Variants in IMPG2 observed in about 807,000 individuals in gnomAD.
The protein encoded by IMPG2 is interphotoreceptor matrix proteoglycan 2.
Under a neutral mutation model 129.2 loss-of-function variants are expected in IMPG2, and 91 were observed. That is an observed-to-expected ratio of 0.70 (90% CI 0.59 to 0.84). The LOEUF (loss-of-function observed/expected upper bound fraction) is 0.84. IMPG2 is among the 40% of genes least tolerant of loss of function. The pLI, the probability that IMPG2 is intolerant of heterozygous loss-of-function variation, is 0.00. For missense variants in IMPG2, 1,430 were observed against 1,461.7 expected, an observed-to-expected ratio of 0.98 and a Z score of 0.35; for synonymous variants, 510 against 517.7, an observed-to-expected ratio of 0.99 and a Z score of 0.20.
At chr3:101,266,868 TC>T (rs146088182) in intron 9 of IMPG2, among the ~76,000 whole-genome samples, 1 of 152,120 alleles carries the variant, frequency 6.6e-6, no homozygotes, top group Admixed American at 6.5e-5. Context: ...GCTGGCCACT[TC>T]CCCCACTGCT....
At position 101,243,998 on chromosome 3, in the gene IMPG2, G is replaced by A. The variant is rs1323996253; in HGVS notation, c.2333C>T (p.Pro778Leu). Residue 778 changes from proline (P) to leucine (L), a missense_variant, in exon 13 of 19, where the codon CCA becomes CTA. Coordinates refer to ENST00000193391, the MANE Select transcript of IMPG2 (RefSeq NM_016247.4). The part of the protein sequence containing the change: ...PDMQTLWTIL[P>L]ESERVWTRTS... The stretch of plus-strand genomic sequence containing the variant: ...TCTTGTCCAAACTCTCTCTGATTCT[G>A]GCAATATAGTCCACAAAGTTTGCAT... 1 of 1,614,118 alleles carries A rather than the reference G, an allele frequency of 6.2e-7. No homozygotes were observed. Among genetic ancestry groups the A allele is most frequent in the South Asian group, 1.1e-5 (1 of 91,086 alleles).
chr3:101,291,026 T>G (rs1297943037), intron 4 of IMPG2, among the ~76,000 whole-genome samples: 1 of 152,196 alleles, frequency 6.6e-6, no homozygotes, highest in Non-Finnish European at 1.5e-5. Context: ...AAGCCCACAG[T>G]GAACAGAGTC....
At chr3:101,302,441 C>T (rs1362948448) in intron 3 of IMPG2, among the ~76,000 whole-genome samples, 2 of 152,078 alleles carry the variant, frequency 1.3e-5, no homozygotes, top group African/African-American at 2.4e-5. Flanking sequence ...CCCATGTTAG[C>T]CACTGCAATT....
intron 2 of IMPG2, among the ~76,000 whole-genome samples, chr3:101,315,250 T>C (rs62282887): frequency 0.17 from 25,201 of 152,236 alleles, 2,287 homozygotes; most frequent in African/African-American, 0.24. Flanking sequence ...ATTCTGGTGA[T>C]GCCACTGTTC....
intron 14 of IMPG2, among the ~76,000 whole-genome samples, chr3:101,238,527 G>A (rs1174399296): frequency 6.6e-6 from 1 of 152,218 alleles, no homozygotes; most frequent in Non-Finnish European, 1.5e-5. Flanking sequence ...TCTCTCTGCA[G>A]AAACCCTACA....
rs1183368977 is a variant in IMPG2 at position 101,320,510 on chromosome 3, A to G, written c.-138T>C. On this transcript the variant is annotated 5_prime_UTR_variant, in exon 1 of 19. Transcript: ENST00000193391. The stretch of plus-strand genomic sequence containing the variant: ...ATGTTTGAGAATGAACAACCACTTC[A>G]AAACCATTATAAATTAGCGGAAAGA... The G allele has an allele frequency of 9.1e-6, 6 of 657,704 alleles. No homozygotes were observed. Among genetic ancestry groups the G allele is most frequent in the East Asian group, 2.8e-5 (1 of 36,268 alleles). 40.7% of individuals were successfully genotyped at this position (657,704 alleles called of 1,614,324 possible).
Position 101,226,501 on chromosome 3 carries a change from A to G in IMPG2, c.*468T>C, listed in dbSNP as rs1706225739. The G allele has an allele frequency of 6.5e-6, 1 of 154,796 alleles. No homozygotes were observed. 9.6% of individuals were successfully genotyped at this position (154,796 alleles called of 1,614,324 possible). A position where few individuals can be genotyped will look rare whatever the true frequency, so the allele number is the denominator to read the frequency against. ...ATGAATGCCTGATTATAAACTATCC[A>G]TTAAGACTATTTCAAAGGTTTCCCC... On this transcript the variant is annotated 3_prime_UTR_variant, in exon 19 of 19. Coordinates refer to ENST00000193391, the MANE Select transcript of IMPG2 (RefSeq NM_016247.4).
intron 10 of IMPG2, among the ~76,000 whole-genome samples, chr3:101,257,301 T>C (rs1018248254): frequency 6.6e-6 from 1 of 152,136 alleles, no homozygotes; most frequent in African/African-American, 2.4e-5. Flanking sequence ...TACTTCTAAC[T>C]GCCACTTTCC....
At chr3:101,268,929 T>C (rs1313844390) in intron 8 of IMPG2, among the ~76,000 whole-genome samples, 2 of 152,226 alleles carry the variant, frequency 1.3e-5, no homozygotes, top group Non-Finnish European at 2.9e-5. Context: ...ATTAATAATA[T>C]CTATCCTGAG....
At chr3:101,287,655 A>G (rs515307) in intron 4 of IMPG2, among the ~76,000 whole-genome samples, 110,051 of 152,030 alleles carry the variant, frequency 0.72, 40,836 homozygotes, top group East Asian at 0.84. Flanking sequence ...CTTCCCATTC[A>G]ATAAATGCTG....
intron 14 of IMPG2, among the ~76,000 whole-genome samples, chr3:101,239,428 G>C (rs559979099): frequency 1.3e-5 from 2 of 152,304 alleles, no homozygotes; most frequent in South Asian, 2.1e-4. Context: ...AAAAAGTCAG[G>C]AAACAACAGA....
At chr3:101,287,199 T>C (rs886463840) in intron 4 of IMPG2, among the ~76,000 whole-genome samples, 6 of 152,150 alleles carry the variant, frequency 3.9e-5, no homozygotes, top group African/African-American at 1.2e-4. Flanking sequence ...TATGGAAACA[T>C]AGCCTTTGCA....
intron 16 of IMPG2, among the ~76,000 whole-genome samples, chr3:101,229,887 T>C (rs1421278879): frequency 6.6e-6 from 1 of 152,242 alleles, no homozygotes; most frequent in African/African-American, 2.4e-5. Flanking sequence ...CAGTAGATGG[T>C]GCTTCATAAA....
At chr3:101,231,380 G>C (rs940923353) in intron 15 of IMPG2, among the ~76,000 whole-genome samples, 3 of 152,318 alleles carry the variant, frequency 2.0e-5, no homozygotes, top group South Asian at 2.1e-4. Flanking sequence ...TGAATAAAAA[G>C]CTAAATAGGT....
At chr3:101,237,411 C>T (rs1706359082) in intron 14 of IMPG2, among the ~76,000 whole-genome samples, 1 of 152,186 alleles carries the variant, frequency 6.6e-6, no homozygotes, top group South Asian at 2.1e-4. Context: ...ACCCCTATGT[C>T]TCCTGACTGG....
At chr3:101,250,087 C>T (rs1706528010) in intron 11 of IMPG2, among the ~76,000 whole-genome samples, 1 of 152,026 alleles carries the variant, frequency 6.6e-6, no homozygotes, top group Admixed American at 6.6e-5. Context: ...CAAAAAAACA[C>T]CATGGAATTA....
At chr3:101,301,425 C>A (rs1260576578) in intron 3 of IMPG2, among the ~76,000 whole-genome samples, 1 of 152,040 alleles carries the variant, frequency 6.6e-6, no homozygotes, top group Non-Finnish European at 1.5e-5. Context: ...TAAAGGGCAG[C>A]ACAATAAAAT....
chr3:101,291,685 C>CTA (rs1707011073), intron 3 of IMPG2, among the ~76,000 whole-genome samples, 175 bp from the exon 4 acceptor site: 1 of 152,170 alleles, frequency 6.6e-6, no homozygotes, highest in Non-Finnish European at 1.5e-5. Context: ...TGTTTTGTGA[C>CTA]TATAGCAACA....
In IMPG2 at chr3:101,244,766, G is replaced by C. The variant is rs1409688898; in HGVS notation, c.1565C>G (p.Ser522Ter). The C allele has an allele frequency of 1.2e-6, 2 of 1,613,818 alleles. No homozygotes were observed. Among genetic ancestry groups the C allele is most frequent in the Non-Finnish European group, 1.7e-6 (2 of 1,179,826 alleles). Residue 522 changes from serine (S) to a stop codon, truncating the protein, a stop_gained, in exon 13 of 19, where the codon TCA (serine) becomes TGA (stop). Coordinates refer to ENST00000193391, the MANE Select transcript of IMPG2 (RefSeq NM_016247.4). LOFTEE classifies it high-confidence loss of function. ...VEDGLANVEE[S>*]EDFLSIDSLP... is the part of the protein sequence containing the mutation. Reference sequence around the variant, plus strand: ...TGAATCAATAGAAAGAAAATCTTCTGACTCTTCAACATTGGCTAATCCTAA... The same window carrying C: ...TGAATCAATAGAAAGAAAATCTTCTCACTCTTCAACATTGGCTAATCCTAA...
Sources: allele counts gnomAD v4.1 joint callset (sites outside exome capture counted in the v4.1 genomes callset), GRCh38; gene constraint gnomAD v4.1.1; transcripts MANE v1.5; gene names NCBI Gene and HGNC (gene_info 2026-07-23, HGNC 2026-07-21).